ZFR2: variants seen among roughly 807,000 people sequenced by gnomAD.
ZFR2 encodes the protein zinc finger RNA-binding protein 2.
In ZFR2, 104 loss-of-function variants were observed where a neutral mutation model predicts 105.7. The observed-to-expected ratio is 0.98, with a 90% CI of 0.84 to 1.16. ZFR2 has a LOEUF of 1.16. Among genes scored for constraint, ZFR2 ranks in the 50% most tolerant of loss-of-function variants. The probability of loss-of-function intolerance (pLI) is 0.00; values close to 1 mark genes in which losing one functional copy is unlikely to be tolerated. For synonymous variants in ZFR2, 634 were observed against 597.7 expected (o/e 1.06, Z -0.89); for missense variants, 1,425 against 1,355.5 (o/e 1.05, Z -0.80).
At chr19:3,850,900 C>CAAAAAAAAAAA (rs59933286) in intron 1 of ZFR2, among the ~76,000 whole-genome samples, 1 of 92,500 alleles carries the variant, frequency 1.1e-5, no homozygotes, top group Non-Finnish European at 2.0e-5. Context: ...GCAGTCTTTT[C>CAAAAAAAAAAA]AAAAAAAAAA....
chr19:3,863,011 G>A lies in ZFR2; in HGVS notation c.53+5954C>T, dbSNP rs1244908705. On this transcript the variant is annotated intron_variant, in intron 1 of 18. Transcript: ENST00000262961. ...ACCTGGTGGTAGGAGTCCATTTACA[G>A]GTATGCGCCCTGGCCCCCAAGGTGG... 2.0e-5 allele frequency among the ~76,000 whole-genome samples: 3 copies of A among 152,212 alleles called. No homozygotes were observed. The East Asian group carries it at 5.8e-4, about 29-fold the overall frequency.
chr19:3,821,604 CTTTTTTTTTTTTT>C (rs56275505), intron 9 of ZFR2, 125 bp from the exon 10 acceptor site: 19 of 248,406 alleles, frequency 7.6e-5, no homozygotes, highest in East Asian at 2.6e-4. Context: ...CTCCCAAAGC[CTTTTTTTTTTTTT>C]TTTTTTTTTT....
chr19:3,832,833 CT>C (rs1168668376), intron 3 of ZFR2, among the ~76,000 whole-genome samples: 1 of 151,462 alleles, frequency 6.6e-6, no homozygotes, highest in African/African-American at 2.4e-5. Flanking sequence ...AGACGGGGGT[CT>C]TACTATGTTG....
rs2301846 is a variant in ZFR2, at chr19:3,820,391, A to G, written c.1632-101T>C. The stretch of plus-strand genomic sequence containing the variant: ...GGCCTTATGCTCCCAGCAAGGAAGG[A>G]AGGGCCAAAGCTCTTGCTGGGGCTC... On this transcript the variant is annotated intron_variant, in intron 10 of 18. Transcript: ENST00000262961. 4.1e-5 allele frequency: 47 copies of G among 1,141,604 alleles called. No individual in the cohort carries two copies. The Middle Eastern group carries it at 7.0e-4, about 17-fold the overall frequency. The allele number at this position is 1,141,604 out of a possible 1,614,324, so 70.7% of individuals were successfully genotyped here.
intron 5 of ZFR2, among the ~76,000 whole-genome samples, chr19:3,829,360 C>G (rs2037986293): frequency 6.6e-6 from 1 of 152,124 alleles, no homozygotes; most frequent in Non-Finnish European, 1.5e-5. Flanking sequence ...GAGAGACTGC[C>G]TGTGGAATAG....
At position 3,819,049 on chromosome 19, in the gene ZFR2, G is replaced by T; in HGVS notation, c.1927C>A (p.Arg643Ser). The T allele has an allele frequency of 6.2e-7, 1 of 1,612,156 alleles. No homozygotes were observed. Among genetic ancestry groups the T allele is most frequent in the African/African-American group, 1.3e-5 (1 of 75,010 alleles). The change falls in exon 12 of 19, where the codon CGC becomes AGC. Residue 643 changes from arginine (R) to serine (S), a missense_variant. Arg to Ser is a moderately radical substitution (Grantham distance 110). Coordinates refer to ENST00000262961, the MANE Select transcript of ZFR2 (RefSeq NM_015174.2). ...GGGAAGGGGATCTCCAATGACCTGCGCTTGTCACCCTCTTCCTCTCGGCGG... is the reference window on the plus strand; with the variant it reads ...GGGAAGGGGATCTCCAATGACCTGCTCTTGTCACCCTCTTCCTCTCGGCGG... ...RGRREEEGDK[R>S]SSVAPQTRVL...
intron 12 of ZFR2, among the ~76,000 whole-genome samples, chr19:3,818,839 C>T (rs2037853551): frequency 6.6e-6 from 1 of 152,264 alleles, no homozygotes; most frequent in Non-Finnish European, 1.5e-5. Context: ...GCACGGATCA[C>T]CCGCTGCAAA....
intron 2 of ZFR2, 60 bp from the exon 3 acceptor site, chr19:3,833,838 G>C: frequency 7.5e-7 from 1 of 1,328,074 alleles, no homozygotes; most frequent in Non-Finnish European, 1.0e-6. Context: ...TCAGGCGGTG[G>C]GTGCGACGCG....
rs1439237456 is a variant in ZFR2 at position 3,823,633 on chromosome 19, A to G, written c.1214-230T>C. Among the ~76,000 whole-genome samples the G allele has an allele frequency of 6.6e-6, 1 of 152,182 alleles. No homozygotes were observed. The highest frequency in any genetic ancestry group is 2.4e-5 in the African/African-American group (1 of 41,440). On this transcript the variant is annotated intron_variant, in intron 7 of 18. Coordinates refer to ENST00000262961, the MANE Select transcript of ZFR2 (RefSeq NM_015174.2). This position sits in a 1 kb window ranked among gnomAD's most constrained non-coding sequence, Gnocchi z 5.4. ...GCCAATTTCAATCCATCCGGGGAGA[A>G]GCCCTGGTTTTAGGCCCTCGCTTGA...
At position 3,822,101 on chromosome 19, in the gene ZFR2, G is replaced by A. The variant is rs369191280; in HGVS notation, c.1471C>T (p.Arg491Trp). The change falls in exon 9 of 19, where the codon CGG becomes TGG. Residue 491 changes from arginine (R) to tryptophan (W), a missense_variant. Arg to Trp is a moderately radical substitution (Grantham distance 101, BLOSUM62 -3). Coordinates refer to ENST00000262961, the MANE Select transcript of ZFR2 (RefSeq NM_015174.2). ...CGCACCCGGTACTGCAGCCGGTGCC[G>A]CCGCCCCCTCACGTGCAGGTCCTTC... The part of the protein sequence containing the change: ...NAKDLHVRGR[R>W]HRLQYRKKVN... The A allele has an allele frequency of 2.5e-4, 398 of 1,606,994 alleles. 3 individuals carry two copies. Among genetic ancestry groups the A allele is most frequent in the South Asian group, 1.6e-3 (142 of 89,562 alleles).
intron 10 of ZFR2, among the ~76,000 whole-genome samples, chr19:3,820,744 A>G (rs1020525610): frequency 6.7e-6 from 1 of 149,710 alleles, no homozygotes; most frequent in African/African-American, 2.5e-5. Context: ...ATCAGGGGTC[A>G]GGAGACACAG....
chr19:3,808,731 T>C (rs1305739282), intron 17 of ZFR2, 141 bp downstream of exon 17: 20 of 648,238 alleles, frequency 3.1e-5, no homozygotes, highest in Admixed American at 3.3e-5. Flanking sequence ...GCTGGGAGCA[T>C]GTGTGTGTTG....
At chr19:3,822,875 T>G (rs1599229833) in intron 8 of ZFR2, among the ~76,000 whole-genome samples, 1 of 152,130 alleles carries the variant, frequency 6.6e-6, no homozygotes, top group South Asian at 2.1e-4. Context: ...CCTTGGCAGG[T>G]CCCAGGGTCC....
chr19:3,816,882 G>A (rs1256026641), intron 12 of ZFR2, 37 bp from the exon 13 acceptor site: 1 of 1,519,334 alleles, frequency 6.6e-7, no homozygotes, highest in Admixed American at 2.0e-5. Context: ...GCCATCAGCG[G>A]AGAGACGCGG....
Position 3,834,687 on chromosome 19 carries a change from G to T in ZFR2, c.264+86C>A. The T allele has an allele frequency of 7.4e-7, 1 of 1,349,100 alleles. No homozygotes were observed. Among genetic ancestry groups the T allele is most frequent in the Non-Finnish European group, 1.0e-6 (1 of 966,678 alleles). 83.6% of individuals were successfully genotyped at this position (1,349,100 alleles called of 1,614,324 possible). ...TCACGGTTAAGAGGCCTGGGAGAAG[G>T]AGTAGCTGTGGGAAGCCCACCGCTC... is the stretch of plus-strand genomic sequence containing the variant. On this transcript the variant is annotated intron_variant, in intron 2 of 18. Coordinates refer to ENST00000262961, the MANE Select transcript of ZFR2 (RefSeq NM_015174.2). This position sits in a 1 kb window ranked among gnomAD's most constrained non-coding sequence, Gnocchi z 5.3.
intron 6 of ZFR2, among the ~76,000 whole-genome samples, chr19:3,826,455 C>T (rs2037951277): frequency 6.6e-6 from 1 of 150,748 alleles, no homozygotes; most frequent in African/African-American, 2.4e-5. Flanking sequence ...TTTCTTTTGG[C>T]GACAGAGCCT....
chr19:3,811,427 C>T lies in ZFR2; in HGVS notation c.2243-61G>A, dbSNP rs1016590501. On this transcript the variant is annotated intron_variant, in intron 14 of 18. Coordinates refer to ENST00000262961, the MANE Select transcript of ZFR2 (RefSeq NM_015174.2). Reference sequence around the variant, plus strand: ...GTGCCTCGTCCCGCTCTGCTGCCGACGGGGTGAGGGGCTCAGTTTGGGCCC... The same window carrying T: ...GTGCCTCGTCCCGCTCTGCTGCCGATGGGGTGAGGGGCTCAGTTTGGGCCC... 24 of 1,483,964 alleles carry T rather than the reference C, an allele frequency of 1.6e-5. No individual in the cohort carries two copies. The Admixed American group carries it at 2.2e-4, about 14-fold the overall frequency. 91.9% of individuals were successfully genotyped at this position (1,483,964 alleles called of 1,614,324 possible). A position where few individuals can be genotyped will look rare whatever the true frequency, so the allele number is the denominator to read the frequency against.
Position 3,805,761 on chromosome 19 carries a change from T to C in ZFR2, c.*188A>G, listed in dbSNP as rs2037688533. 1.6e-6 allele frequency: 1 copy of C among 629,732 alleles called. No individual in the cohort carries two copies. Among genetic ancestry groups the C allele is most frequent in the South Asian group, 2.8e-5 (1 of 35,694 alleles). 39.0% of individuals were successfully genotyped at this position (629,732 alleles called of 1,614,324 possible). On this transcript the variant is annotated 3_prime_UTR_variant, in exon 19 of 19. Coordinates refer to ENST00000262961, the MANE Select transcript of ZFR2 (RefSeq NM_015174.2). ...GCTCAAGCAACTCAGCCTCCCAAAG[T>C]GCTGGGATTAAAGGCATGAGCCACA...
chr19:3,818,926 G>T (rs1251112837), intron 12 of ZFR2, 119 bp downstream of exon 12: 9 of 1,295,634 alleles, frequency 6.9e-6, no homozygotes, highest in African/African-American at 3.0e-5. Context: ...GAAAGCTGCC[G>T]CGGGCCACCG....
Sources: gnomAD v4.1 joint callset for allele counts (sites outside exome capture counted in the v4.1 genomes callset) on GRCh38, gnomAD v4.1.1 for gene constraint, Gnocchi (gnomAD v3.1) non-coding constraint, MANE v1.5 for transcripts, NCBI Gene and HGNC (gene_info 2026-07-23, HGNC 2026-07-21) for gene names.